The following MYO3A variants were observed in gnomAD, a reference collection of about 807,000 sequenced individuals.
MYO3A encodes the protein myosin IIIA.
Under a neutral mutation model 192.7 loss-of-function variants are expected in MYO3A, and 180 were observed. That is an observed-to-expected ratio of 0.93 (90% CI 0.83 to 1.06). The LOEUF is 1.06. Ranked by LOEUF, MYO3A falls within the 50% of genes least tolerant of loss-of-function variation. The probability of loss-of-function intolerance (pLI) is 0.00; values close to 1 mark genes in which losing one functional copy is unlikely to be tolerated. For missense variants in MYO3A, 1,896 were observed against 1,905.0 expected, an observed-to-expected ratio of 1.00 and a Z score of 0.09; for synonymous variants, 628 against 645.3, an observed-to-expected ratio of 0.97 and a Z score of 0.41.
intron 31 of MYO3A, among the ~76,000 whole-genome samples, chr10:26,179,339 G>A (rs1842497606): frequency 6.6e-6 from 1 of 151,938 alleles, no homozygotes. Flanking sequence ...CTGACGTTAA[G>A]TGATCTGCCC....
chr10:25,959,284 T>C (rs561202345), intron 4 of MYO3A, among the ~76,000 whole-genome samples: 1 of 152,308 alleles, frequency 6.6e-6, no homozygotes, highest in African/African-American at 2.4e-5. Context: ...TCTTACTTAA[T>C]GTAACTTCAG....
At chr10:25,984,737 A>G (rs1226163966) in intron 4 of MYO3A, among the ~76,000 whole-genome samples, 3 of 152,172 alleles carry the variant, frequency 2.0e-5, no homozygotes, top group African/African-American at 7.2e-5. Flanking sequence ...TTGGAAATGA[A>G]CTCCAAAAGG....
intron 31 of MYO3A, among the ~76,000 whole-genome samples, chr10:26,179,427 G>T (rs992104054): frequency 6.6e-6 from 1 of 152,066 alleles, no homozygotes; most frequent in African/African-American, 2.4e-5. Context: ...TGTATGCATA[G>T]TTCACATATA....
intron 10 of MYO3A, among the ~76,000 whole-genome samples, chr10:26,061,957 T>G (rs12774892): frequency 0.47 from 71,581 of 151,680 alleles, 17,704 homozygotes; most frequent in Middle Eastern, 0.59. Flanking sequence ...TAAGAATCGC[T>G]TTGAAAATAG....
At chr10:26,167,385 A>C (rs144299122) in intron 27 of MYO3A, among the ~76,000 whole-genome samples, 251 of 152,318 alleles carry the variant, frequency 1.6e-3, no homozygotes, top group African/African-American at 5.9e-3. Flanking sequence ...GGCATTAAAA[A>C]TGAGTATTTT....
chr10:26,128,170 A>T (rs1423018223), intron 19 of MYO3A, among the ~76,000 whole-genome samples: 1 of 152,180 alleles, frequency 6.6e-6, no homozygotes, highest in Non-Finnish European at 1.5e-5. Context: ...TGGTTTCTGT[A>T]GTTCAAGGAA....
At chr10:25,980,557 T>C (rs1839267091) in intron 4 of MYO3A, among the ~76,000 whole-genome samples, 1 of 152,172 alleles carries the variant, frequency 6.6e-6, no homozygotes. Context: ...TGTCTAAAAA[T>C]GTATTGGATA....
chr10:26,197,320 G>T (rs921595050), intron 32 of MYO3A, among the ~76,000 whole-genome samples: 1 of 152,092 alleles, frequency 6.6e-6, no homozygotes, highest in Non-Finnish European at 1.5e-5. Context: ...TTTTTTGAGG[G>T]GCCTGAAGGT....
chr10:25,997,303 T>G, intron 6 of MYO3A, 45 bp downstream of exon 6: 2 of 1,337,404 alleles, frequency 1.5e-6, no homozygotes, highest in Non-Finnish European at 2.2e-6. Context: ...CATAATGAAC[T>G]AGTATGATAT....
intron 4 of MYO3A, among the ~76,000 whole-genome samples, chr10:25,994,405 G>A (rs970864828): frequency 2.6e-5 from 4 of 152,108 alleles, no homozygotes; most frequent in Non-Finnish European, 4.4e-5. Context: ...GCCTACGTGC[G>A]TCTCTGCACA....
Position 26,050,720 on chromosome 10 carries a change from C to T in MYO3A, c.954-16255C>T, listed in dbSNP as rs115556326. On this transcript the variant is annotated intron_variant, in intron 10 of 34. Transcript: ENST00000642920. ...GAGCAGAGAGAAGTCACATTTACAGCGTAAACACGCAAAATTTCCCAGTAT... is the reference window on the plus strand; with the variant it reads ...GAGCAGAGAGAAGTCACATTTACAGTGTAAACACGCAAAATTTCCCAGTAT... Among the ~76,000 whole-genome samples the T allele has an allele frequency of 8.3e-3, 1,263 of 152,290 alleles. 16 individuals carry two copies. The highest frequency in any genetic ancestry group is 0.027 in the African/African-American group (1,142 of 41,550).
intron 20 of MYO3A, among the ~76,000 whole-genome samples, chr10:26,136,102 C>T (rs79841421): frequency 2.0e-5 from 3 of 152,212 alleles, no homozygotes; most frequent in East Asian, 3.9e-4. Flanking sequence ...ATATCACATC[C>T]TCTCCAGTGA....
intron 10 of MYO3A, among the ~76,000 whole-genome samples, chr10:26,057,612 A>G (rs12240279): frequency 0.47 from 71,866 of 151,952 alleles, 17,842 homozygotes; most frequent in Middle Eastern, 0.59. Flanking sequence ...CTGGATGGGT[A>G]AAATAATTAA....
intron 20 of MYO3A, 60 bp downstream of exon 20, chr10:26,128,598 C>A: frequency 6.6e-7 from 1 of 1,509,714 alleles, no homozygotes; most frequent in Non-Finnish European, 9.1e-7. Context: ...CAGACTTGTA[C>A]AAATGAAGCA....
At chr10:25,967,346 T>C (rs1271162230) in intron 4 of MYO3A, among the ~76,000 whole-genome samples, 1 of 152,100 alleles carries the variant, frequency 6.6e-6, no homozygotes, top group East Asian at 1.9e-4. Context: ...ATGGGGAAAC[T>C]TCACTGAACG....
intron 17 of MYO3A, among the ~76,000 whole-genome samples, chr10:26,100,217 A>T (rs1409929276): frequency 6.6e-6 from 1 of 151,982 alleles, no homozygotes; most frequent in East Asian, 1.9e-4. Flanking sequence ...TATTAATCTG[A>T]TGGTAGTTTG....
At chr10:26,001,776 G>C (rs932515434) in intron 6 of MYO3A, among the ~76,000 whole-genome samples, 1 of 152,198 alleles carries the variant, frequency 6.6e-6, no homozygotes, top group Non-Finnish European at 1.5e-5. Flanking sequence ...GAGCCCAGGA[G>C]TTAGAGGCCA....
intron 34 of MYO3A, among the ~76,000 whole-genome samples, chr10:26,208,552 T>C (rs1844080030): frequency 6.6e-6 from 1 of 152,236 alleles, no homozygotes; most frequent in Non-Finnish European, 1.5e-5. Flanking sequence ...GTTTGTGATA[T>C]ACCTGGCAGA....
rs187273590 is a variant in MYO3A at position 26,145,452 on chromosome 10, T to C, written c.2423T>C (p.Phe808Ser). ...GTTCAGTATTTTTCTACAGAAAAATTTGAAGGTAACCTGAAATCACAATAC... is the reference window on the plus strand; with the variant it reads ...GTTCAGTATTTTTCTACAGAAAAATCTGAAGGTAACCTGAAATCACAATAC... ...KATDQTLVEK[F>S]EGNLKSQYFW... Residue 808 changes from phenylalanine to serine, a missense_variant, in exon 22 of 35, where the codon TTT becomes TCT. Transcript: ENST00000642920. 6.9e-6 allele frequency: 11 copies of C among 1,599,318 alleles called. No homozygotes were observed. The African/African-American group carries it at 1.5e-4, about 21-fold the overall frequency.
Sources: allele counts gnomAD v4.1 joint callset (sites outside exome capture counted in the v4.1 genomes callset), GRCh38; gene constraint gnomAD v4.1.1; transcripts MANE v1.5; gene names NCBI Gene and HGNC (gene_info 2026-07-23, HGNC 2026-07-21).